NDUFS4: variants seen among roughly 807,000 people sequenced by gnomAD.
The protein encoded by NDUFS4 is NADH:ubiquinone oxidoreductase subunit S4.
NDUFS4 carries 28 observed loss-of-function variants against 24.3 expected under a neutral mutation model. The ratio of observed to expected loss-of-function variants is 1.15; its 90% CI spans 0.85 to 1.58. The LOEUF (loss-of-function observed/expected upper bound fraction) is 1.58, where lower values mean the gene tolerates loss of function less well. Ranked by LOEUF, NDUFS4 falls within the 40% of genes most tolerant of loss-of-function variation. The pLI is 0.00. For missense variants in NDUFS4, 223 were observed against 207.9 expected (o/e 1.07, Z -0.45); for synonymous variants, 93 against 69.7 (o/e 1.34, Z -1.67).
At chr5:53,580,714 TTTTCC>T (rs796511734) in intron 1 of NDUFS4, among the ~76,000 whole-genome samples, 1 of 71,924 alleles carries the variant, frequency 1.4e-5, no homozygotes, top group Non-Finnish European at 2.8e-5. Flanking sequence ...TTTCCTTTCC[TTTTCC>T]TTTTCCTTTT....
intron 2 of NDUFS4, among the ~76,000 whole-genome samples, chr5:53,626,285 A>G (rs1306933115): frequency 1.3e-5 from 2 of 152,062 alleles, no homozygotes; most frequent in African/African-American, 2.4e-5. Flanking sequence ...CCAGTCTATC[A>G]TTGATGGGCA....
At chr5:53,673,383 T>C (rs1026302556) in intron 4 of NDUFS4, among the ~76,000 whole-genome samples, 1 of 152,130 alleles carries the variant, frequency 6.6e-6, no homozygotes, top group Non-Finnish European at 1.5e-5. Flanking sequence ...TGCAATGATA[T>C]CCTGAAAGTT....
chr5:53,628,300 T>G lies in NDUFS4; in HGVS notation c.178-17933T>G, dbSNP rs1219476909. On this transcript the variant is annotated intron_variant, in intron 2 of 4. Transcript: ENST00000296684. The stretch of plus-strand genomic sequence containing the variant: ...TGGTTTGCTAGCATTTTATTGAGGA[T>G]TTTTGCATCGATGTTCATCATGGGT... Among the ~76,000 whole-genome samples the G allele has an allele frequency of 2.6e-5, 4 of 152,282 alleles. No homozygotes were observed. The East Asian group carries it at 5.8e-4, about 22-fold the overall frequency.
intron 2 of NDUFS4, among the ~76,000 whole-genome samples, chr5:53,621,403 T>A (rs999620816): frequency 1.3e-4 from 20 of 152,246 alleles, no homozygotes; most frequent in African/African-American, 3.9e-4. Context: ...GTTTAAAAAA[T>A]TATGTGCAAA....
chr5:53,653,407 C>A (rs1752074500), intron 3 of NDUFS4, among the ~76,000 whole-genome samples: 1 of 152,176 alleles, frequency 6.6e-6, no homozygotes, highest in African/African-American at 2.4e-5. Context: ...CATCTTTCCC[C>A]TTTACACTGT....
intron 2 of NDUFS4, among the ~76,000 whole-genome samples, chr5:53,612,913 T>C (rs1001321111): frequency 2.6e-5 from 4 of 152,120 alleles, no homozygotes; most frequent in African/African-American, 9.7e-5. Flanking sequence ...ATAAAACAAC[T>C]ACGTTTGCTG....
At chr5:53,682,998 T>C in intron 4 of NDUFS4, 120 bp from the exon 5 acceptor site, 4 of 782,168 alleles carry the variant, frequency 5.1e-6, no homozygotes, top group South Asian at 1.4e-5. Context: ...TGTTGACATA[T>C]ACTCTTGATG....
At chr5:53,608,452 A>C (rs1561359921) in intron 2 of NDUFS4, among the ~76,000 whole-genome samples, 1 of 152,144 alleles carries the variant, frequency 6.6e-6, no homozygotes, top group African/African-American at 2.4e-5. Flanking sequence ...CATTTTACTC[A>C]CAGTGGAACT....
At chr5:53,657,569 A>AT (rs1175654017) in intron 3 of NDUFS4, among the ~76,000 whole-genome samples, 1 of 152,136 alleles carries the variant, frequency 6.6e-6, no homozygotes, top group Non-Finnish European at 1.5e-5. Flanking sequence ...ATAGAATGCT[A>AT]TATTCACCTC....
At chr5:53,668,429 A>G (rs1003253031) in intron 4 of NDUFS4, among the ~76,000 whole-genome samples, 5 of 151,994 alleles carry the variant, frequency 3.3e-5, no homozygotes, top group Non-Finnish European at 5.9e-5. Context: ...AGATTTTCAG[A>G]TTCAGTTGCT....
At chr5:53,606,320 A>C (rs1750503067) in intron 2 of NDUFS4, among the ~76,000 whole-genome samples, 1 of 152,168 alleles carries the variant, frequency 6.6e-6, no homozygotes, top group Non-Finnish European at 1.5e-5. Context: ...GGGACCTTTT[A>C]CTCATGGTGG....
intron 1 of NDUFS4, among the ~76,000 whole-genome samples, chr5:53,591,461 T>TGGGGGGGG (rs374748766): frequency 4.9e-5 from 4 of 81,220 alleles, no homozygotes; most frequent in African/African-American, 1.0e-4. Context: ...TTGTTTTTTT[T>TGGGGGGGG]GGGGGGGGGG....
rs1749669562 is a variant in NDUFS4, at chr5:53,584,273, A to C, written c.99-19179A>C. Among the ~76,000 whole-genome samples the C allele has an allele frequency of 2.0e-5, 3 of 152,234 alleles. No individual in the cohort carries two copies. In the South Asian group the frequency reaches 6.2e-4, roughly 32 times the overall value. ...GTGCGTAAGACATAATAGATATTTC[A>C]TAGTAGATGTTTGGTGAATTGAGAA... On this transcript the variant is annotated intron_variant, in intron 1 of 4. Transcript: ENST00000296684.
intron 1 of NDUFS4, among the ~76,000 whole-genome samples, chr5:53,569,360 G>A (rs1332010384): frequency 6.6e-6 from 1 of 152,086 alleles, no homozygotes; most frequent in Non-Finnish European, 1.5e-5. Context: ...ATGTGAAAGT[G>A]CTTTGTAATA....
chr5:53,563,102 G>C (rs10940323), intron 1 of NDUFS4, among the ~76,000 whole-genome samples: 4 of 149,152 alleles, frequency 2.7e-5, no homozygotes, highest in Non-Finnish European at 5.9e-5. Flanking sequence ...GGCAGCGTGC[G>C]CCTGTAGTCC....
At chr5:53,626,740 T>C (rs753491283) in intron 2 of NDUFS4, among the ~76,000 whole-genome samples, 16 of 152,182 alleles carry the variant, frequency 1.1e-4, no homozygotes, top group Non-Finnish European at 2.1e-4. Flanking sequence ...TGGTTTTTTT[T>C]CTCATAAATT....
chr5:53,603,965 TACAC>T (rs1403486193), intron 2 of NDUFS4, among the ~76,000 whole-genome samples: 1 of 152,104 alleles, frequency 6.6e-6, no homozygotes, highest in Non-Finnish European at 1.5e-5. Flanking sequence ...TACAAACACA[TACAC>T]ACACATTTTA....
At chr5:53,596,844 A>C (rs531425148) in intron 1 of NDUFS4, among the ~76,000 whole-genome samples, 1 of 152,316 alleles carries the variant, frequency 6.6e-6, no homozygotes, top group South Asian at 2.1e-4. Flanking sequence ...TTTTTATAAG[A>C]TTAGGAGTTT....
intron 4 of NDUFS4, among the ~76,000 whole-genome samples, chr5:53,666,374 A>G (rs1752514562): frequency 6.6e-6 from 1 of 152,192 alleles, no homozygotes; most frequent in African/African-American, 2.4e-5. Flanking sequence ...GTTCCTATTA[A>G]AATCAAGTGC....
Sources: allele counts gnomAD v4.1 joint callset (sites outside exome capture counted in the v4.1 genomes callset), GRCh38; gene constraint gnomAD v4.1.1; transcripts MANE v1.5; gene names NCBI Gene and HGNC (gene_info 2026-07-23, HGNC 2026-07-21).